NPAS3: variants seen among roughly 807,000 people sequenced by gnomAD.
NPAS3 encodes the protein neuronal PAS domain protein 3.
NPAS3 carries 14 observed loss-of-function variants against 73.1 expected under a neutral mutation model. The observed-to-expected ratio is 0.19, with a 90% confidence interval of 0.13 to 0.30. The LOEUF (loss-of-function observed/expected upper bound fraction) is 0.30. Ranked by LOEUF, NPAS3 falls within the 10% of genes least tolerant of loss-of-function variation. NPAS3 has a pLI of 1.00. For missense variants in NPAS3, 1,096 were observed against 1,250.0 expected, an observed-to-expected ratio of 0.88 and a Z score of 1.86; for synonymous variants, 620 against 541.5, an observed-to-expected ratio of 1.14 and a Z score of -2.01.
At chr14:33,171,991 G>A (rs1015797826) in intron 2 of NPAS3, among the ~76,000 whole-genome samples, 11 of 152,148 alleles carry the variant, frequency 7.2e-5, no homozygotes, top group African/African-American at 2.4e-4. Flanking sequence ...AGAGATGAGA[G>A]AGAAGAGCCA....
chr14:33,202,486 C>T (rs2046655385), intron 2 of NPAS3, among the ~76,000 whole-genome samples: 1 of 151,944 alleles, frequency 6.6e-6, no homozygotes, highest in Admixed American at 6.6e-5. Flanking sequence ...TTTGTAATTC[C>T]TCAAAGGCAG....
chr14:33,769,016 A>T (rs137905933), intron 7 of NPAS3, among the ~76,000 whole-genome samples: 1 of 152,208 alleles, frequency 6.6e-6, no homozygotes, highest in South Asian at 2.1e-4. Context: ...AAGGGTGCTT[A>T]AGAGCTTTCA....
At chr14:33,079,944 A>G (rs2041812520) in intron 2 of NPAS3, among the ~76,000 whole-genome samples, 1 of 151,882 alleles carries the variant, frequency 6.6e-6, no homozygotes. Flanking sequence ...ATGTTCAGGC[A>G]CTGAATTTTT....
At chr14:33,779,014 G>A (rs1382534703) in intron 9 of NPAS3, among the ~76,000 whole-genome samples, 1 of 152,236 alleles carries the variant, frequency 6.6e-6, no homozygotes, top group Non-Finnish European at 1.5e-5. Flanking sequence ...GGGGTGAGGG[G>A]AAGCCAGGGA....
intron 4 of NPAS3, among the ~76,000 whole-genome samples, chr14:33,512,199 T>G (rs1476145736): frequency 6.6e-6 from 1 of 152,116 alleles, no homozygotes; most frequent in African/African-American, 2.4e-5. Flanking sequence ...ATCATACTAA[T>G]TTTTAATCTT....
At chr14:33,437,332 C>T (rs748149980) in intron 4 of NPAS3, among the ~76,000 whole-genome samples, 6 of 152,074 alleles carry the variant, frequency 3.9e-5, no homozygotes, top group Non-Finnish European at 5.9e-5. Flanking sequence ...ACCAATTTTT[C>T]CAAGCTTGCC....
intron 2 of NPAS3, among the ~76,000 whole-genome samples, chr14:33,160,619 A>G (rs1477276351): frequency 6.6e-6 from 1 of 151,314 alleles, no homozygotes; most frequent in Non-Finnish European, 1.5e-5. Flanking sequence ...GTGCACATGT[A>G]CCCTAAAACT....
At chr14:33,159,721 T>C (rs1049193986) in intron 2 of NPAS3, among the ~76,000 whole-genome samples, 26 of 151,972 alleles carry the variant, frequency 1.7e-4, no homozygotes, top group African/African-American at 6.3e-4. Flanking sequence ...GCCCGGCTTA[T>C]TTTTTGTATT....
chr14:33,460,920 T>G lies in NPAS3; in HGVS notation c.468+93652T>G, dbSNP rs189653255. On this transcript the variant is annotated intron_variant, in intron 4 of 11. Coordinates refer to ENST00000356141, the Ensembl canonical transcript of NPAS3. ...GAGGAGGAGGGTAACATTATTGGCC[T>G]ACAACTTTTTTAAAAACAATCTTCT... is the stretch of plus-strand genomic sequence containing the variant. Among the ~76,000 whole-genome samples the G allele has an allele frequency of 3.6e-3, 553 of 152,300 alleles. 11 individuals are homozygous for G. The highest frequency in any genetic ancestry group is 5.7e-4 in the Non-Finnish European group (39 of 68,020).
intron 5 of NPAS3, among the ~76,000 whole-genome samples, chr14:33,627,957 G>A (rs527895855): frequency 9.2e-5 from 14 of 152,220 alleles, no homozygotes; most frequent in Non-Finnish European, 1.5e-4. Flanking sequence ...TCAGAGACTC[G>A]ACCCAAAAAT....
intron 4 of NPAS3, among the ~76,000 whole-genome samples, chr14:33,510,195 A>T (rs1348910176): frequency 6.6e-6 from 1 of 152,040 alleles, no homozygotes; most frequent in Non-Finnish European, 1.5e-5. Flanking sequence ...TACTGAAATG[A>T]AGCACAGCAG....
intron 4 of NPAS3, among the ~76,000 whole-genome samples, chr14:33,490,203 A>G (rs1326901261): frequency 2.0e-5 from 3 of 152,152 alleles, no homozygotes; most frequent in Non-Finnish European, 4.4e-5. Context: ...ACATTCTCAT[A>G]TTAAATAGGG....
At chr14:32,986,783 TG>T (rs2038116664) in intron 1 of NPAS3, among the ~76,000 whole-genome samples, 1 of 152,236 alleles carries the variant, frequency 6.6e-6, no homozygotes, top group South Asian at 2.1e-4. Context: ...GCTGTGGGAA[TG>T]CAGGTCTTTA....
At chr14:33,578,480 C>T (rs140690722) in intron 5 of NPAS3, 3 of 325,478 alleles carry the variant, frequency 9.2e-6, no homozygotes, top group East Asian at 9.4e-5. Context: ...AGGCATAAGA[C>T]ACCGCACCCA....
At chr14:33,085,331 T>C (rs2041987611) in intron 2 of NPAS3, among the ~76,000 whole-genome samples, 1 of 152,234 alleles carries the variant, frequency 6.6e-6, no homozygotes, top group South Asian at 2.1e-4. Flanking sequence ...GAATGTTCTG[T>C]CCTGGAAGAG....
At chr14:33,503,263 A>T (rs946812725) in intron 4 of NPAS3, among the ~76,000 whole-genome samples, 1 of 151,930 alleles carries the variant, frequency 6.6e-6, no homozygotes, top group African/African-American at 2.4e-5. Flanking sequence ...CACACTATGT[A>T]ATACTCTAAT....
intron 5 of NPAS3, among the ~76,000 whole-genome samples, chr14:33,564,161 C>T (rs1235128539): frequency 6.6e-6 from 1 of 151,970 alleles, no homozygotes; most frequent in Non-Finnish European, 1.5e-5. Context: ...TAGGAAAACA[C>T]AACAAAGAGG....
intron 3 of NPAS3, among the ~76,000 whole-genome samples, chr14:33,259,616 G>A (rs971359724): frequency 6.6e-6 from 1 of 152,010 alleles, no homozygotes; most frequent in Non-Finnish European, 1.5e-5. Context: ...TATTTTGAGG[G>A]GGAGACATAT....
intron 6 of NPAS3, among the ~76,000 whole-genome samples, chr14:33,694,385 GCCAAAAAGCCCC>G (rs1175211317): frequency 1.3e-5 from 2 of 152,100 alleles, no homozygotes; most frequent in African/African-American, 4.8e-5. Flanking sequence ...TTAAATGACA[GCCAAAAAGCCCC>G]CCAAAAAGGT....
Sources: allele counts gnomAD v4.1 joint callset (sites outside exome capture counted in the v4.1 genomes callset), GRCh38; gene constraint gnomAD v4.1.1; transcripts MANE v1.5; gene names NCBI Gene and HGNC (gene_info 2026-07-23, HGNC 2026-07-21).